LDLRAD3: variants seen among roughly 807,000 people sequenced by gnomAD.
LDLRAD3 encodes low density lipoprotein receptor class A domain containing 3.
In LDLRAD3, 20 loss-of-function variants were observed where a neutral mutation model predicts 29.4. The ratio of observed to expected loss-of-function variants is 0.68; its 90% CI spans 0.48 to 0.99. LDLRAD3 has a LOEUF of 0.99. Ranked by LOEUF, LDLRAD3 falls within the 50% of genes least tolerant of loss-of-function variation. The pLI is 0.00. For missense variants in LDLRAD3, 420 were observed against 454.3 expected (o/e 0.92, Z 0.69); for synonymous variants, 157 against 192.7 (o/e 0.81, Z 1.53).
At chr11:35,965,964 G>A (rs1851335934) in intron 1 of LDLRAD3, among the ~76,000 whole-genome samples, 1 of 152,126 alleles carries the variant, frequency 6.6e-6, no homozygotes, top group African/African-American at 2.4e-5. Context: ...TTGGATCTGT[G>A]AATCTGGGCC....
Position 36,213,509 on chromosome 11 carries a change from C to T in LDLRAD3, c.455-13576C>T, listed in dbSNP as rs1855311256. ...GGATGCTTTTTTTAGACAGGAAAGT[C>T]AGGGTGGATGTGGGGATGCCCTTGG... On this transcript the variant is annotated intron_variant, in intron 4 of 5. Transcript: ENST00000315571. This position sits in a 1 kb window ranked among gnomAD's most constrained non-coding sequence, Gnocchi z 4.1. Among the ~76,000 whole-genome samples the T allele has an allele frequency of 6.6e-6, 1 of 152,214 alleles. No homozygotes were observed. Among genetic ancestry groups the T allele is most frequent in the African/African-American group, 2.4e-5 (1 of 41,468 alleles).
chr11:35,997,547 A>T (rs1296465601), intron 1 of LDLRAD3: 1 of 351,590 alleles, frequency 2.8e-6, no homozygotes, highest in East Asian at 7.9e-5. Flanking sequence ...TGGCAGTGTC[A>T]TCACCAACCT....
chr11:36,178,590 T>A (rs147100802), intron 4 of LDLRAD3, among the ~76,000 whole-genome samples: 17 of 152,244 alleles, frequency 1.1e-4, no homozygotes, highest in African/African-American at 3.6e-4. Flanking sequence ...ATACCCCACC[T>A]CTATGCCCCA....
intron 4 of LDLRAD3, among the ~76,000 whole-genome samples, chr11:36,179,329 C>G (rs1372904037): frequency 6.6e-6 from 1 of 152,064 alleles, no homozygotes; most frequent in Non-Finnish European, 1.5e-5. Context: ...CAAAAATTAG[C>G]TGGGAGTGGT....
At chr11:36,053,932 C>T (rs982207287) in intron 2 of LDLRAD3, among the ~76,000 whole-genome samples, 1 of 152,064 alleles carries the variant, frequency 6.6e-6, no homozygotes, top group African/African-American at 2.4e-5. Flanking sequence ...GATGGGGTTC[C>T]CTAGAGTCCA....
chr11:35,999,378 G>C (rs1416380929), intron 1 of LDLRAD3, among the ~76,000 whole-genome samples: 1 of 152,182 alleles, frequency 6.6e-6, no homozygotes, highest in African/African-American at 2.4e-5. Flanking sequence ...TGTCCTCTCT[G>C]TTGAGAGTCA....
chr11:36,131,077 A>G lies in LDLRAD3; in HGVS notation c.454+32616A>G, dbSNP rs571402760. Among the ~76,000 whole-genome samples, 609 of 152,344 alleles carry G rather than the reference A, an allele frequency of 4.0e-3. 2 individuals carry two copies. Among genetic ancestry groups the G allele is most frequent in the Non-Finnish European group, 6.8e-3 (461 of 68,030 alleles). ...TGTGCAGTTGGCTCAAAGGGTGGCC[A>G]ACCAGAGGAGCAGATTTATCCACAT... is the stretch of plus-strand genomic sequence containing the variant. On this transcript the variant is annotated intron_variant, in intron 4 of 5. Coordinates refer to ENST00000315571, the MANE Select transcript of LDLRAD3 (RefSeq NM_174902.4).
chr11:36,147,366 C>A (rs1358780589), intron 4 of LDLRAD3, among the ~76,000 whole-genome samples: 1 of 151,904 alleles, frequency 6.6e-6, no homozygotes, highest in East Asian at 1.9e-4. Context: ...GATCCACCCG[C>A]CTCGGCCTCC....
intron 4 of LDLRAD3, among the ~76,000 whole-genome samples, chr11:36,215,199 G>A (rs932958118): frequency 6.6e-6 from 1 of 152,182 alleles, no homozygotes; most frequent in Non-Finnish European, 1.5e-5. Context: ...GGAGGCCAAC[G>A]GGTCTGCAGC....
intron 4 of LDLRAD3, chr11:36,196,892 T>G (rs1855041458): frequency 1.3e-5 from 2 of 152,196 alleles, no homozygotes; most frequent in African/African-American, 4.8e-5. Flanking sequence ...TCCCTATCCA[T>G]TCTCTAGGAC....
At chr11:36,082,553 T>G (rs191193022) in intron 3 of LDLRAD3, among the ~76,000 whole-genome samples, 2 of 152,300 alleles carry the variant, frequency 1.3e-5, no homozygotes, top group African/African-American at 4.8e-5. Flanking sequence ...CTATAAAAAT[T>G]TATTCTTGAG....
At chr11:36,017,341 A>ACATTATTGT (rs752048324) in intron 1 of LDLRAD3, among the ~76,000 whole-genome samples, 2 of 152,154 alleles carry the variant, frequency 1.3e-5, no homozygotes, top group Non-Finnish European at 2.9e-5. Flanking sequence ...TAATAAGCAG[A>ACATTATTGT]CATTATTGTT....
At chr11:36,211,779 C>T (rs1855286521) in intron 4 of LDLRAD3, among the ~76,000 whole-genome samples, 2 of 152,258 alleles carry the variant, frequency 1.3e-5, no homozygotes, top group South Asian at 4.1e-4. Flanking sequence ...TTTCTCTCTC[C>T]AGTTTTTAGG....
At chr11:36,053,695 C>T (rs1852563117) in intron 2 of LDLRAD3, among the ~76,000 whole-genome samples, 2 of 152,192 alleles carry the variant, frequency 1.3e-5, no homozygotes, top group African/African-American at 4.8e-5. Context: ...GAAGAAGAGA[C>T]TTATGTTCAT....
intron 2 of LDLRAD3, among the ~76,000 whole-genome samples, chr11:36,053,298 A>G (rs762278768): frequency 7.2e-5 from 11 of 151,850 alleles, no homozygotes; most frequent in African/African-American, 1.2e-4. Flanking sequence ...CAGCACTGTA[A>G]TTGTCTTTTT....
intron 4 of LDLRAD3, among the ~76,000 whole-genome samples, chr11:36,192,300 G>A (rs1854966430): frequency 6.6e-6 from 1 of 152,194 alleles, no homozygotes; most frequent in Non-Finnish European, 1.5e-5. Flanking sequence ...CGCAACAGAT[G>A]ATCTGGGCAT....
At chr11:36,194,989 T>G (rs746901447) in intron 4 of LDLRAD3, among the ~76,000 whole-genome samples, 12 of 152,178 alleles carry the variant, frequency 7.9e-5, no homozygotes, top group Non-Finnish European at 1.2e-4. Context: ...TTTCTTCCAA[T>G]CAACCTTGGG....
At chr11:35,976,469 G>C (rs151261683) in intron 1 of LDLRAD3, among the ~76,000 whole-genome samples, 2 of 152,138 alleles carry the variant, frequency 1.3e-5, no homozygotes, top group African/African-American at 4.8e-5. Context: ...GAAGGAGATC[G>C]TGTACAGGAG....
At chr11:36,160,718 C>T (rs1192449601) in intron 4 of LDLRAD3, among the ~76,000 whole-genome samples, 1 of 152,178 alleles carries the variant, frequency 6.6e-6, no homozygotes. Context: ...TAGAAGAAAT[C>T]GGGACTGAAA....
Sources: gnomAD v4.1 joint callset for allele counts (sites outside exome capture counted in the v4.1 genomes callset) on GRCh38, gnomAD v4.1.1 for gene constraint, Gnocchi (gnomAD v3.1) non-coding constraint, MANE v1.5 for transcripts, NCBI Gene and HGNC (gene_info 2026-07-23, HGNC 2026-07-21) for gene names.